The following XXYLT1 variants were observed in gnomAD, a reference collection of about 807,000 sequenced individuals.
The protein encoded by XXYLT1 is UDP-xylose:alpha-xyloside alpha-1,3-xylosyltransferase.
XXYLT1 carries 20 observed loss-of-function variants against 28.9 expected under a neutral mutation model. The observed-to-expected ratio is 0.69, with a 90% CI of 0.49 to 1.00. XXYLT1 has a LOEUF of 1.00. Among genes scored for constraint, XXYLT1 ranks in the 50% least tolerant of loss-of-function variants. The pLI, the probability that XXYLT1 is intolerant of heterozygous loss-of-function variation, is 0.00. For missense variants in XXYLT1, 542 were observed against 560.1 expected (o/e 0.97, Z 0.33); for synonymous variants, 257 against 253.8 (o/e 1.01, Z -0.12).
At chr3:195,113,439 TG>T (rs1165462954) in intron 3 of XXYLT1, among the ~76,000 whole-genome samples, 1 of 152,136 alleles carries the variant, frequency 6.6e-6, no homozygotes, top group Non-Finnish European at 1.5e-5. Context: ...AGAACATCCC[TG>T]ATTAGGTAGT....
chr3:195,102,232 T>G (rs1358621077), intron 3 of XXYLT1, among the ~76,000 whole-genome samples: 1 of 152,218 alleles, frequency 6.6e-6, no homozygotes, highest in Non-Finnish European at 1.5e-5. Flanking sequence ...GTTACAATAG[T>G]CAAGCAAATT....
intron 1 of XXYLT1, among the ~76,000 whole-genome samples, chr3:195,245,672 G>A (rs555614983): frequency 1.3e-5 from 2 of 152,198 alleles, no homozygotes; most frequent in African/African-American, 2.4e-5. Context: ...TCGCAACGCC[G>A]GACTGGGGCC....
At chr3:195,095,024 A>G (rs1716346692) in intron 3 of XXYLT1, among the ~76,000 whole-genome samples, 1 of 152,130 alleles carries the variant, frequency 6.6e-6, no homozygotes, top group South Asian at 2.1e-4. Flanking sequence ...TAAAATGCAG[A>G]CTGGGATTCC....
Position 195,207,570 on chromosome 3 carries a change from G to C in XXYLT1, c.652+19139C>G, listed in dbSNP as rs1014346325. ...GCCTTCCCCAAATTCCTTAGCCAAA[G>C]GTGCCGCCTCCTTGGCACTTCACAG... On this transcript the variant is annotated intron_variant, in intron 2 of 3. Coordinates refer to ENST00000310380, the MANE Select transcript of XXYLT1 (RefSeq NM_152531.5). 1.6e-5 allele frequency: 7 copies of C among 434,464 alleles called. No homozygotes were observed. In the East Asian group the frequency reaches 5.0e-4, roughly 31 times the overall value. The allele number at this position is 434,464 out of a possible 1,614,324, so 26.9% of individuals were successfully genotyped here.
At chr3:195,219,810 G>A (rs1158292348) in intron 2 of XXYLT1, among the ~76,000 whole-genome samples, 1 of 152,214 alleles carries the variant, frequency 6.6e-6, no homozygotes, top group African/African-American at 2.4e-5. Context: ...TAACACTCAG[G>A]AGGCCAGGAG....
chr3:195,185,128 AG>A (rs1722135083), intron 2 of XXYLT1, among the ~76,000 whole-genome samples: 1 of 151,078 alleles, frequency 6.6e-6, no homozygotes, highest in African/African-American at 2.4e-5. Context: ...GAAGGAAGGA[AG>A]GAAGGAAGGA....
At chr3:195,245,159 A>ATT (rs533706205) in intron 1 of XXYLT1, among the ~76,000 whole-genome samples, 44 of 132,336 alleles carry the variant, frequency 3.3e-4, no homozygotes, top group African/African-American at 4.5e-4. Flanking sequence ...GCCCAAGAAA[A>ATT]TTTTTTTTTT....
At chr3:195,213,351 A>G (rs867706285) in intron 2 of XXYLT1, among the ~76,000 whole-genome samples, 30 of 143,926 alleles carry the variant, frequency 2.1e-4, no homozygotes, top group African/African-American at 5.5e-4. Context: ...CGCAACCTCC[A>G]CTTCCTGGGT....
chr3:195,236,600 G>A (rs1284394694), intron 1 of XXYLT1, among the ~76,000 whole-genome samples: 1 of 151,926 alleles, frequency 6.6e-6, no homozygotes, highest in Non-Finnish European at 1.5e-5. Context: ...GTCTGAGCTG[G>A]TATCTAAGCT....
intron 3 of XXYLT1, among the ~76,000 whole-genome samples, chr3:195,128,844 T>C (rs952020288): frequency 6.6e-6 from 1 of 152,154 alleles, no homozygotes; most frequent in African/African-American, 2.4e-5. Flanking sequence ...CTTCAAATCT[T>C]AAAACACTGG....
In XXYLT1 at chr3:195,176,728, A is replaced by G. The variant is rs1721684285; in HGVS notation, c.653-20147T>C. 6.6e-6 allele frequency among the ~76,000 whole-genome samples: 1 copy of G among 152,174 alleles called. No individual in the cohort carries two copies. The highest frequency in any genetic ancestry group is 2.4e-5 in the African/African-American group (1 of 41,426). ...CCTTACGCTTACCTAAGGACTCTAA[A>G]CATGCAAAAGGCAGATGTTTGGGGT... On this transcript the variant is annotated intron_variant, in intron 2 of 3. Coordinates refer to ENST00000310380, the MANE Select transcript of XXYLT1 (RefSeq NM_152531.5). This position sits in a 1 kb window ranked among gnomAD's most constrained non-coding sequence, Gnocchi z 4.9.
In XXYLT1 at chr3:195,240,556, C is replaced by T. The variant is rs1046621695; in HGVS notation, c.505-13700G>A. The stretch of plus-strand genomic sequence containing the variant: ...AGGCACGTGGCAAGGGCTGGCCCCA[C>T]GCACGGAAAGATGCCAGGTTTCCCG... On this transcript the variant is annotated intron_variant, in intron 1 of 3. Transcript: ENST00000310380. This position sits in a 1 kb window ranked among gnomAD's most constrained non-coding sequence, Gnocchi z 4.7. Among the ~76,000 whole-genome samples, 1 of 152,270 alleles carries T rather than the reference C, an allele frequency of 6.6e-6. No homozygotes were observed. Among genetic ancestry groups the T allele is most frequent in the African/African-American group, 2.4e-5 (1 of 41,482 alleles).
In XXYLT1 at chr3:195,135,573, C is replaced by T. The variant is rs140487642; in HGVS notation, c.785+20876G>A. On this transcript the variant is annotated intron_variant, in intron 3 of 3. Coordinates refer to ENST00000310380, the MANE Select transcript of XXYLT1 (RefSeq NM_152531.5). ...GGAGAACCCAGGCTGGCTCGGAACA[C>T]AGTCCCTAGGCCTCAGCACCAGGAG... 8.0e-3 allele frequency among the ~76,000 whole-genome samples: 1,211 copies of T among 152,306 alleles called. 10 individuals are homozygous for T. The highest frequency in any genetic ancestry group is 0.028 in the African/African-American group (1,148 of 41,558).
chr3:195,253,821 G>A (rs888185254), intron 1 of XXYLT1, among the ~76,000 whole-genome samples: 1 of 152,154 alleles, frequency 6.6e-6, no homozygotes, highest in Non-Finnish European at 1.5e-5. Context: ...TGATCAAAGC[G>A]AAAGCCACTC....
chr3:195,174,224 C>T (rs1237754078), intron 2 of XXYLT1, among the ~76,000 whole-genome samples: 1 of 152,198 alleles, frequency 6.6e-6, no homozygotes, highest in African/African-American at 2.4e-5. Context: ...ATGAGGCTTT[C>T]ACTTTTCCTC....
chr3:195,130,249 G>T (rs76162528), intron 3 of XXYLT1, among the ~76,000 whole-genome samples: 5,196 of 152,314 alleles, frequency 0.034, 165 homozygotes, highest in East Asian at 0.15. Context: ...GGTAGGAGCT[G>T]CCCATTAGCA....
At chr3:195,072,917 G>T (rs1361336550) in intron 3 of XXYLT1, among the ~76,000 whole-genome samples, 1 of 152,178 alleles carries the variant, frequency 6.6e-6, no homozygotes, top group Non-Finnish European at 1.5e-5. Context: ...GACAGTATTG[G>T]AGCTCGTGCG....
At chr3:195,112,582 C>CACACACACGCAT (rs1717813496) in intron 3 of XXYLT1, among the ~76,000 whole-genome samples, 1 of 146,044 alleles carries the variant, frequency 6.8e-6, no homozygotes, top group Non-Finnish European at 1.5e-5. Flanking sequence ...CACACACGCA[C>CACACACACGCAT]GCACACACAC....
chr3:195,138,292 G>A (rs891007651), intron 3 of XXYLT1, among the ~76,000 whole-genome samples: 1 of 152,228 alleles, frequency 6.6e-6, no homozygotes, highest in Non-Finnish European at 1.5e-5. Context: ...GCTGGACACT[G>A]GCTGGAGGAA....
Sources: allele counts gnomAD v4.1 joint callset (sites outside exome capture counted in the v4.1 genomes callset), GRCh38; gene constraint gnomAD v4.1.1; non-coding constraint Gnocchi (gnomAD v3.1); transcripts MANE v1.5; gene names NCBI Gene and HGNC (gene_info 2026-07-23, HGNC 2026-07-21).